The following SPON1 variants were observed in gnomAD, a reference collection of about 807,000 sequenced individuals.
The protein encoded by SPON1 is spondin 1, also known as spondin-1.
SPON1 carries 52 observed loss-of-function variants against 111.7 expected under a neutral mutation model. The ratio of observed to expected loss-of-function variants is 0.47; its 90% CI spans 0.37 to 0.59. The LOEUF is 0.59. Ranked by LOEUF, SPON1 falls within the 20% of genes least tolerant of loss-of-function variation. The pLI is 0.00. For synonymous variants in SPON1, 410 were observed against 395.8 expected, an observed-to-expected ratio of 1.04 and a Z score of -0.43; for missense variants, 957 against 1,068.5, an observed-to-expected ratio of 0.90 and a Z score of 1.46.
intron 1 of SPON1, among the ~76,000 whole-genome samples, chr11:13,968,965 C>T (rs974661256): frequency 1.3e-5 from 2 of 152,228 alleles, no homozygotes; most frequent in Non-Finnish European, 1.5e-5. Context: ...ATCATATTAA[C>T]GGTCTCTGTC....
At chr11:14,210,748 A>G (rs1848566927) in intron 6 of SPON1, among the ~76,000 whole-genome samples, 1 of 152,102 alleles carries the variant, frequency 6.6e-6, no homozygotes, top group East Asian at 1.9e-4. Flanking sequence ...CTTATATTTA[A>G]GTCTTTGATC....
chr11:14,129,934 G>A (rs1847508091), intron 5 of SPON1, among the ~76,000 whole-genome samples: 1 of 151,484 alleles, frequency 6.6e-6, no homozygotes, highest in Non-Finnish European at 1.5e-5. Context: ...GATCTCATGA[G>A]AACTCACTCA....
intron 1 of SPON1, among the ~76,000 whole-genome samples, chr11:13,966,276 C>T (rs937116784): frequency 1.2e-4 from 18 of 152,140 alleles, no homozygotes; most frequent in Admixed American, 5.2e-4. Flanking sequence ...TGGCCAGGGC[C>T]TCCTTTGAAA....
rs368035091 is a variant in SPON1 at position 14,069,694 on chromosome 11, A to G, written c.480-5651A>G. On this transcript the variant is annotated intron_variant, in intron 3 of 15. Transcript: ENST00000576479. The stretch of plus-strand genomic sequence containing the variant: ...CTGGCACAAAATGAGTGTTCAGCAT[A>G]TGTTTTTGAGTGAGTGATAATTAAT... Among the ~76,000 whole-genome samples the G allele has an allele frequency of 6.6e-5, 10 of 152,032 alleles. No homozygotes were observed. The East Asian group carries it at 9.7e-4, about 15-fold the overall frequency.
chr11:14,139,794 T>C (rs1056317408), intron 6 of SPON1, among the ~76,000 whole-genome samples: 3 of 151,732 alleles, frequency 2.0e-5, no homozygotes, highest in Non-Finnish European at 4.4e-5. Flanking sequence ...GGGGCCTGTT[T>C]TAGATAAACC....
At chr11:14,208,560 C>A (rs1017074735) in intron 6 of SPON1, among the ~76,000 whole-genome samples, 2 of 152,162 alleles carry the variant, frequency 1.3e-5, no homozygotes, top group Admixed American at 6.5e-5. Flanking sequence ...GAGAGTTCTT[C>A]ATAGTTCATT....
intron 6 of SPON1, among the ~76,000 whole-genome samples, chr11:14,187,892 C>T (rs1848303934): frequency 6.6e-6 from 1 of 152,178 alleles, no homozygotes; most frequent in African/African-American, 2.4e-5. Context: ...AGCAATTCTC[C>T]TGCCTCAGCC....
intron 6 of SPON1, among the ~76,000 whole-genome samples, chr11:14,205,370 A>C (rs910602756): frequency 6.6e-6 from 1 of 152,154 alleles, no homozygotes; most frequent in African/African-American, 2.4e-5. Context: ...TGCTGTGGGC[A>C]CTCAATAAAT....
intron 5 of SPON1, among the ~76,000 whole-genome samples, chr11:14,091,668 C>T (rs1286396461): frequency 6.6e-6 from 1 of 152,140 alleles, no homozygotes; most frequent in Non-Finnish European, 1.5e-5. Context: ...CCAGCTGGCT[C>T]GCAAGTGCCG....
intron 6 of SPON1, among the ~76,000 whole-genome samples, chr11:14,174,095 T>A (rs7926903): frequency 0.18 from 27,019 of 152,140 alleles, 2,534 homozygotes; most frequent in Admixed American, 0.24. Context: ...GCAAAGACAG[T>A]TCCCCAAAAT....
chr11:14,160,770 TTA>T (rs1424095862), intron 6 of SPON1, among the ~76,000 whole-genome samples: 5 of 46,648 alleles, frequency 1.1e-4, no homozygotes, highest in African/African-American at 4.5e-4. Context: ...ATTTATATAT[TTA>T]TATATATTTT....
chr11:14,061,087 A>C (rs1554919820), intron 3 of SPON1, among the ~76,000 whole-genome samples: 1 of 152,262 alleles, frequency 6.6e-6, no homozygotes. Context: ...ATTAATGCAC[A>C]CAGGAGCCCT....
intron 2 of SPON1, among the ~76,000 whole-genome samples, chr11:13,998,707 A>G (rs1326488077): frequency 6.6e-6 from 1 of 152,228 alleles, no homozygotes; most frequent in Non-Finnish European, 1.5e-5. Context: ...CACACTGGCC[A>G]GGTGATAAGT....
intron 3 of SPON1, among the ~76,000 whole-genome samples, chr11:14,072,373 A>G (rs1352182343): frequency 2.0e-5 from 3 of 152,138 alleles, no homozygotes; most frequent in Admixed American, 6.6e-5. Context: ...TATATTTCAA[A>G]AATTTGAGGG....
At chr11:14,201,321 C>G (rs139569534) in intron 6 of SPON1, among the ~76,000 whole-genome samples, 2,281 of 150,006 alleles carry the variant, frequency 0.015, 28 homozygotes, top group Middle Eastern at 0.024. Flanking sequence ...GCCTGGGTGA[C>G]AGAGCGAGAC....
chr11:14,251,320 G>A (rs1049981433), intron 7 of SPON1, among the ~76,000 whole-genome samples: 17 of 152,174 alleles, frequency 1.1e-4, no homozygotes, highest in African/African-American at 3.9e-4. Flanking sequence ...GCCGCCCCAC[G>A]TTTCCCACAC....
At chr11:14,053,946 G>T (rs1848726260) in intron 3 of SPON1, among the ~76,000 whole-genome samples, 1 of 152,152 alleles carries the variant, frequency 6.6e-6, no homozygotes, top group South Asian at 2.1e-4. Flanking sequence ...GTGGAAGATG[G>T]CATTCCTCTA....
chr11:13,979,864 G>A (rs1243142763), intron 1 of SPON1, among the ~76,000 whole-genome samples: 1 of 152,056 alleles, frequency 6.6e-6, no homozygotes, highest in Non-Finnish European at 1.5e-5. Flanking sequence ...GTGTATAATG[G>A]CCTTGAAGAC....
At chr11:14,155,479 C>G (rs10832209) in intron 6 of SPON1, among the ~76,000 whole-genome samples, 59,432 of 151,512 alleles carry the variant, frequency 0.39, 11,921 homozygotes, top group East Asian at 0.55. Flanking sequence ...GTGCCACACA[C>G]ATCTATTTTT....
Sources: gnomAD v4.1 joint callset for allele counts (sites outside exome capture counted in the v4.1 genomes callset) on GRCh38, gnomAD v4.1.1 for gene constraint, MANE v1.5 for transcripts, NCBI Gene and HGNC (gene_info 2026-07-23, HGNC 2026-07-21) for gene names.